Variants in XPR1 observed in about 807,000 individuals in gnomAD.
The protein encoded by XPR1 is solute carrier family 53 member 1.
Under a neutral mutation model 87.5 loss-of-function variants are expected in XPR1, and 28 were observed. The observed-to-expected ratio is 0.32, with a 90% confidence interval of 0.24 to 0.44. The LOEUF (loss-of-function observed/expected upper bound fraction) is 0.44. Ranked by LOEUF, XPR1 falls within the 20% of genes least tolerant of loss-of-function variation. The pLI is 1.00. For synonymous variants in XPR1, 300 were observed against 306.1 expected, an observed-to-expected ratio of 0.98 and a Z score of 0.21; for missense variants, 559 against 862.3, an observed-to-expected ratio of 0.65 and a Z score of 4.41.
At chr1:180,788,984 C>T (rs1649280998) in intron 3 of XPR1, among the ~76,000 whole-genome samples, 2 of 152,258 alleles carry the variant, frequency 1.3e-5, no homozygotes, top group Non-Finnish European at 2.9e-5. Context: ...CCTTTTTCAG[C>T]AGCCCCTTCA....
chr1:180,685,381 G>A (rs1454054189), intron 2 of XPR1, among the ~76,000 whole-genome samples: 3 of 152,266 alleles, frequency 2.0e-5, no homozygotes, highest in African/African-American at 7.2e-5. Context: ...TGCTGGATTT[G>A]GTTTGTCAGT....
chr1:180,828,085 C>T (rs765541003), intron 9 of XPR1, among the ~76,000 whole-genome samples: 44 of 151,806 alleles, frequency 2.9e-4, no homozygotes, highest in Non-Finnish European at 1.5e-5. Flanking sequence ...GCCATGTTGC[C>T]CAGCTGGTCT....
chr1:180,815,247 G>C (rs1650365844), intron 7 of XPR1, among the ~76,000 whole-genome samples: 1 of 151,516 alleles, frequency 6.6e-6, no homozygotes, highest in Non-Finnish European at 1.5e-5. Flanking sequence ...TACAATTTGA[G>C]GGTTTTTTTG....
intron 2 of XPR1, among the ~76,000 whole-genome samples, chr1:180,701,577 A>G (rs1293220876): frequency 3.6e-5 from 5 of 140,024 alleles, no homozygotes; most frequent in African/African-American, 1.5e-4. Context: ...CCACTTGATC[A>G]TGGTGGATAA....
chr1:180,792,357 A>G (rs1356266904), intron 3 of XPR1, among the ~76,000 whole-genome samples: 1 of 152,232 alleles, frequency 6.6e-6, no homozygotes, highest in Non-Finnish European at 1.5e-5. Flanking sequence ...AAGGCCAAAC[A>G]ATCAAAATAT....
chr1:180,853,808 TTTGTATTTTG>T (rs1181539035), intron 11 of XPR1, among the ~76,000 whole-genome samples: 5 of 151,330 alleles, frequency 3.3e-5, no homozygotes, highest in Admixed American at 6.6e-5. Flanking sequence ...TTTTTTTTTT[TTTGTATTTTG>T]TTGTATTTTG....
chr1:180,779,700 G>T (rs1021657570), intron 2 of XPR1, among the ~76,000 whole-genome samples: 1 of 151,858 alleles, frequency 6.6e-6, no homozygotes. Flanking sequence ...AAAGAAAAGA[G>T]GGGGAGGGGG....
intron 3 of XPR1, among the ~76,000 whole-genome samples, chr1:180,793,949 G>A (rs542641230): frequency 5.3e-5 from 8 of 151,978 alleles, no homozygotes; most frequent in African/African-American, 1.9e-4. Flanking sequence ...ATGGTCATGA[G>A]TAACACAATT....
chr1:180,806,055 T>C lies in XPR1; in HGVS notation c.448-7T>C, dbSNP rs1649974554. ...ATTATAGTTGTGTTTCTCATTTCTT[T>C]CTGTAGAATCTGAATTTTACAGGGT... On this transcript the variant is annotated splice_polypyrimidine_tract_variant and splice_region_variant and intron_variant, in intron 4 of 14. Transcript: ENST00000367590. The C allele has an allele frequency of 6.2e-7, 1 of 1,610,812 alleles. No homozygotes were observed.
At chr1:180,694,884 G>T (rs1657111436) in intron 2 of XPR1, among the ~76,000 whole-genome samples, 1 of 152,030 alleles carries the variant, frequency 6.6e-6, no homozygotes, top group South Asian at 2.1e-4. Context: ...TGTTGGTGCT[G>T]ATATCCCTTT....
intron 9 of XPR1, among the ~76,000 whole-genome samples, chr1:180,833,604 G>A (rs551268233): frequency 6.6e-6 from 1 of 152,244 alleles, no homozygotes; most frequent in South Asian, 2.1e-4. Context: ...TTACATAATG[G>A]TAAAGGGGTG....
chr1:180,668,844 C>G (rs1245060254), intron 1 of XPR1, among the ~76,000 whole-genome samples: 1 of 152,122 alleles, frequency 6.6e-6, no homozygotes, highest in Non-Finnish European at 1.5e-5. Flanking sequence ...AATCCCAGCA[C>G]TTTGGGAGGC....
At chr1:180,795,062 T>A (rs1192397032) in intron 3 of XPR1, among the ~76,000 whole-genome samples, 1 of 152,162 alleles carries the variant, frequency 6.6e-6, no homozygotes, top group Non-Finnish European at 1.5e-5. Flanking sequence ...TAAACTTACT[T>A]TATATTTTGA....
At chr1:180,732,323 ATT>A (rs983156949) in intron 2 of XPR1, among the ~76,000 whole-genome samples, 9 of 151,934 alleles carry the variant, frequency 5.9e-5, no homozygotes, top group Non-Finnish European at 1.2e-4. Flanking sequence ...AATTTGATAC[ATT>A]TTCTCATGGT....
intron 11 of XPR1, among the ~76,000 whole-genome samples, chr1:180,853,500 A>G (rs541169136): frequency 1.6e-4 from 25 of 152,226 alleles, no homozygotes; most frequent in African/African-American, 5.1e-4. Flanking sequence ...CAACATCTCT[A>G]TCATCTCAGT....
chr1:180,640,654 G>GTGA (rs1289022654), intron 1 of XPR1, among the ~76,000 whole-genome samples: 2 of 152,152 alleles, frequency 1.3e-5, no homozygotes, highest in Non-Finnish European at 2.9e-5. Flanking sequence ...ATAGTAGAGT[G>GTGA]TGGTCTGTAG....
At chr1:180,823,107 G>A (rs779741268) in intron 7 of XPR1, among the ~76,000 whole-genome samples, 9 of 152,052 alleles carry the variant, frequency 5.9e-5, no homozygotes, top group Admixed American at 1.3e-4. Context: ...TGGGTGTGGC[G>A]TCACGCATCT....
At chr1:180,666,273 C>T (rs1362852938) in intron 1 of XPR1, among the ~76,000 whole-genome samples, 1 of 152,094 alleles carries the variant, frequency 6.6e-6, no homozygotes, top group Non-Finnish European at 1.5e-5. Flanking sequence ...GTTCAGCGTC[C>T]CTTGAGATTC....
chr1:180,651,955 A>G (rs1285535234), intron 1 of XPR1, among the ~76,000 whole-genome samples: 1 of 152,246 alleles, frequency 6.6e-6, no homozygotes, highest in East Asian at 1.9e-4. Flanking sequence ...TGTGCAGTTT[A>G]CAAACATGTT....
Sources: allele counts gnomAD v4.1 joint callset (sites outside exome capture counted in the v4.1 genomes callset), GRCh38; gene constraint gnomAD v4.1.1; transcripts MANE v1.5; gene names NCBI Gene and HGNC (gene_info 2026-07-23, HGNC 2026-07-21).